SCYL2: variants seen among roughly 807,000 people sequenced by gnomAD.
SCYL2 encodes SCY1 like pseudokinase 2.
Under a neutral mutation model 100.4 loss-of-function variants are expected in SCYL2, and 36 were observed. The ratio of observed to expected loss-of-function variants is 0.36; its 90% CI spans 0.27 to 0.47. SCYL2 has a LOEUF of 0.47. Among genes scored for constraint, SCYL2 ranks in the 20% least tolerant of loss-of-function variants. The pLI, the probability that SCYL2 is intolerant of heterozygous loss-of-function variation, is 1.00. For missense variants in SCYL2, 902 were observed against 1,083.9 expected, an observed-to-expected ratio of 0.83 and a Z score of 2.36; for synonymous variants, 330 against 359.2, an observed-to-expected ratio of 0.92 and a Z score of 0.92.
At chr12:100,325,002 G>A (rs1031232450) in intron 11 of SCYL2, among the ~76,000 whole-genome samples, 4 of 152,124 alleles carry the variant, frequency 2.6e-5, no homozygotes, top group African/African-American at 7.2e-5. Flanking sequence ...AGGCTGAGGC[G>A]AGTGGATCTC....
intron 1 of SCYL2, among the ~76,000 whole-genome samples, chr12:100,269,375 A>G (rs1014813827): frequency 9.2e-5 from 14 of 152,044 alleles, no homozygotes; most frequent in Non-Finnish European, 2.1e-4. Context: ...ACTTCAGGGA[A>G]GACTTTCCTG....
At chr12:100,322,046 A>G (rs1197875313) in intron 10 of SCYL2, among the ~76,000 whole-genome samples, 3 of 90,200 alleles carry the variant, frequency 3.3e-5, no homozygotes, top group African/African-American at 1.6e-4. Context: ...AGACTCTCCA[A>G]AAAAAAAAAA....
In SCYL2 at chr12:100,312,794, A is replaced by G. The variant is rs2096343768; in HGVS notation, c.852+141A>G. 8.4e-6 allele frequency: 5 copies of G among 597,572 alleles called. No homozygotes were observed. In the South Asian group the frequency reaches 1.1e-4, roughly 14 times the overall value. 37.0% of individuals were successfully genotyped at this position (597,572 alleles called of 1,614,324 possible). On this transcript the variant is annotated intron_variant, in intron 6 of 17. Coordinates refer to ENST00000360820, the MANE Select transcript of SCYL2 (RefSeq NM_017988.6). Reference sequence around the variant, plus strand: ...TTGCATAAGATCAGCTTAATAATTTATTATATTTTTATTTTAACAAATTTA... The same window carrying G: ...TTGCATAAGATCAGCTTAATAATTTGTTATATTTTTATTTTAACAAATTTA...
chr12:100,301,249 T>C (rs2096327230), intron 4 of SCYL2, among the ~76,000 whole-genome samples: 1 of 152,220 alleles, frequency 6.6e-6, no homozygotes, highest in African/African-American at 2.4e-5. Context: ...CTGATGATCA[T>C]TGATGTTGGG....
intron 4 of SCYL2, among the ~76,000 whole-genome samples, chr12:100,307,825 C>T (rs144912867): frequency 0.017 from 2,596 of 152,214 alleles, 75 homozygotes; most frequent in African/African-American, 0.059. Context: ...AAAAAGTGGG[C>T]GAAGCATATG....
At chr12:100,309,088 A>G (rs2096338379) in intron 4 of SCYL2, among the ~76,000 whole-genome samples, 1 of 147,232 alleles carries the variant, frequency 6.8e-6, no homozygotes, top group Non-Finnish European at 1.5e-5. Context: ...TGCTCACCTG[A>G]TTTTTGGGTA....
At chr12:100,294,936 TCAGA>T (rs1354248785) in intron 3 of SCYL2, among the ~76,000 whole-genome samples, 1 of 147,194 alleles carries the variant, frequency 6.8e-6, no homozygotes, top group Non-Finnish European at 1.5e-5. Context: ...TCCTCACTTC[TCAGA>T]CGGGGCGGTT....
intron 8 of SCYL2, among the ~76,000 whole-genome samples, 171 bp from the exon 9 acceptor site, chr12:100,315,387 G>A (rs1273607654): frequency 6.6e-6 from 1 of 152,052 alleles, no homozygotes; most frequent in Admixed American, 6.6e-5. Context: ...ATTTATCCTT[G>A]CATAATTAGC....
Position 100,339,114 on chromosome 12 carries a change from C to A in SCYL2, c.2732C>A (p.Pro911Gln). 9 of 1,614,006 alleles carry A rather than the reference C, an allele frequency of 5.6e-6. No individual in the cohort carries two copies. The highest frequency in any genetic ancestry group is 1.7e-5 in the Admixed American group (1 of 60,006). Residue 911 changes from proline (P) to glutamine (Q), a missense_variant, in exon 18 of 18, where the codon CCA becomes CAA. Physicochemically the swap from Pro to Gln is moderately conservative, Grantham distance 76. Transcript: ENST00000360820. ...AACCCACAGAACTTTGCACAGCCACCAACTACTATGACCAATAGCAGTTCA... is the reference window on the plus strand; with the variant it reads ...AACCCACAGAACTTTGCACAGCCACAAACTACTATGACCAATAGCAGTTCA... ...FFNPQNFAQP[P>Q]TTMTNSSSAS... is the part of the protein sequence containing the mutation.
chr12:100,325,103 G>T (rs1213161383), intron 11 of SCYL2, among the ~76,000 whole-genome samples: 1 of 152,018 alleles, frequency 6.6e-6, no homozygotes, highest in Non-Finnish European at 1.5e-5. Context: ...GTGGCATGGT[G>T]GGAGCATCAC....
intron 1 of SCYL2, among the ~76,000 whole-genome samples, chr12:100,268,728 A>G (rs1566336762): frequency 6.6e-6 from 1 of 152,190 alleles, no homozygotes; most frequent in Non-Finnish European, 1.5e-5. Flanking sequence ...AACTACTCAT[A>G]TTCACATGTT....
chr12:100,293,533 T>A (rs1443622760), intron 3 of SCYL2, among the ~76,000 whole-genome samples: 1 of 152,078 alleles, frequency 6.6e-6, no homozygotes, highest in Non-Finnish European at 1.5e-5. Flanking sequence ...TTTTTTTATT[T>A]ATTTTTTATT....
In SCYL2 at chr12:100,311,325, C is replaced by T. The variant is rs1051101865; in HGVS notation, c.630+132C>T. On this transcript the variant is annotated intron_variant, in intron 5 of 17. Coordinates refer to ENST00000360820, the MANE Select transcript of SCYL2 (RefSeq NM_017988.6). ...AGCTTTATAGAAAATTTATAGTGTT[C>T]ATTGCACTTAAGAGTATTCTTCGGC... 3.2e-5 allele frequency: 24 copies of T among 757,694 alleles called. No homozygotes were observed. In the African/African-American group the frequency reaches 4.2e-4, roughly 13 times the overall value. 46.9% of individuals were successfully genotyped at this position (757,694 alleles called of 1,614,324 possible).
chr12:100,292,571 T>C (rs1003022476), intron 3 of SCYL2, among the ~76,000 whole-genome samples: 1 of 152,182 alleles, frequency 6.6e-6, no homozygotes, highest in African/African-American at 2.4e-5. Flanking sequence ...CATCTCACCC[T>C]TCAAAGGCAC....
At chr12:100,329,038 A>G (rs1198995367) in intron 12 of SCYL2, among the ~76,000 whole-genome samples, 163 bp from the exon 13 acceptor site, 1 of 152,194 alleles carries the variant, frequency 6.6e-6, no homozygotes, top group East Asian at 1.9e-4. Context: ...AAAGGCTGAA[A>G]TCATTCTGAT....
At chr12:100,304,270 C>T (rs2096331275) in intron 4 of SCYL2, among the ~76,000 whole-genome samples, 1 of 151,862 alleles carries the variant, frequency 6.6e-6, no homozygotes, top group African/African-American at 2.4e-5. Flanking sequence ...GTGAACGGTT[C>T]TGTCTCGCTG....
intron 12 of SCYL2, among the ~76,000 whole-genome samples, chr12:100,328,774 G>A (rs1952170609): frequency 1.3e-5 from 2 of 152,198 alleles, no homozygotes; most frequent in Admixed American, 1.3e-4. Flanking sequence ...TGCTGAAGAA[G>A]TGAATAAAGG....
chr12:100,334,447 A>G (rs1362362023), intron 14 of SCYL2, among the ~76,000 whole-genome samples, 181 bp downstream of exon 14: 1 of 152,138 alleles, frequency 6.6e-6, no homozygotes, highest in Non-Finnish European at 1.5e-5. Context: ...ATGTGGTTGA[A>G]AAATCTAGTG....
intron 10 of SCYL2, among the ~76,000 whole-genome samples, chr12:100,322,506 T>C (rs1566367114): frequency 6.6e-6 from 1 of 152,056 alleles, no homozygotes; most frequent in Non-Finnish European, 1.5e-5. Context: ...CCTATAATCT[T>C]AGCACTTTGA....
Sources: gnomAD v4.1 joint callset for allele counts (sites outside exome capture counted in the v4.1 genomes callset) on GRCh38, gnomAD v4.1.1 for gene constraint, MANE v1.5 for transcripts, NCBI Gene and HGNC (gene_info 2026-07-23, HGNC 2026-07-21) for gene names.